TOLLIP: variants seen among roughly 807,000 people sequenced by gnomAD.
The protein encoded by TOLLIP is toll interacting protein, also known as toll-interacting protein.
Under a neutral mutation model 33.5 loss-of-function variants are expected in TOLLIP, and 16 were observed. That is an observed-to-expected ratio of 0.48 (90% CI 0.32 to 0.72). The LOEUF (loss-of-function observed/expected upper bound fraction) is 0.72. TOLLIP is among the 30% of genes least tolerant of loss of function. The probability of loss-of-function intolerance (pLI) is 0.03; values close to 1 mark genes in which losing one functional copy is unlikely to be tolerated. For synonymous variants in TOLLIP, 176 were observed against 163.7 expected (o/e 1.07, Z -0.57); for missense variants, 325 against 396.6 (o/e 0.82, Z 1.53).
Position 1,290,566 on chromosome 11 carries a change from C to T in TOLLIP, c.184-157G>A, listed in dbSNP as rs890732298. On this transcript the variant is annotated intron_variant, in intron 2 of 5. Transcript: ENST00000317204. This position sits in a 1 kb window ranked among gnomAD's most constrained non-coding sequence, Gnocchi z 4.9. The stretch of plus-strand genomic sequence containing the variant: ...GCCTGAACACGGCTGTGACCTGCTT[C>T]CCAGGAGGCCAGGAGCAAGAAGAGT... Among the ~76,000 whole-genome samples the T allele has an allele frequency of 6.6e-6, 1 of 152,184 alleles. No individual in the cohort carries two copies. The highest frequency in any genetic ancestry group is 1.5e-5 in the Non-Finnish European group (1 of 68,042).
chr11:1,289,021 T>C (rs1338650479), intron 3 of TOLLIP, among the ~76,000 whole-genome samples: 1 of 152,036 alleles, frequency 6.6e-6, no homozygotes, highest in African/African-American at 2.4e-5. Context: ...CAGGGCCAGG[T>C]CTGGGGCTGG....
intron 3 of TOLLIP, 84 bp from the exon 4 acceptor site, chr11:1,288,860 C>T (rs554094100): frequency 4.1e-5 from 60 of 1,467,130 alleles, no homozygotes; most frequent in Non-Finnish European, 5.4e-5. Flanking sequence ...GGGCCCGCCT[C>T]GAGTCCCCGT....
At chr11:1,292,679 C>T (rs5743944) in intron 2 of TOLLIP, among the ~76,000 whole-genome samples, 26,144 of 152,256 alleles carry the variant, frequency 0.17, 2,785 homozygotes, top group Non-Finnish European at 0.23. Flanking sequence ...TGGGGACACA[C>T]GGGCACCGCT....
At position 1,309,557 on chromosome 11, in the gene TOLLIP, TGC is replaced by T; in HGVS notation, c.-61_-60del. Reference sequence around the variant, plus strand: ...GACAGTGACGCGCCGGGCGACCTCCTGCGCCCCCGCCGGAGCCTGCGACGGAG... The same window carrying T: ...GACAGTGACGCGCCGGGCGACCTCCTGCCCCCGCCGGAGCCTGCGACGGAG... On this transcript the variant is annotated 5_prime_UTR_variant, in exon 1 of 6. Transcript: ENST00000317204. 4.6e-6 allele frequency: 5 copies of T among 1,091,542 alleles called. No individual in the cohort carries two copies. Among genetic ancestry groups the T allele is most frequent in the Non-Finnish European group, 5.9e-6 (5 of 848,800 alleles). The allele number at this position is 1,091,542 out of a possible 1,614,324, so 67.6% of individuals were successfully genotyped here. A position where few individuals can be genotyped will look rare whatever the true frequency, so the allele number is the denominator to read the frequency against.
At chr11:1,295,863 C>T in intron 1 of TOLLIP, 69 bp from the exon 2 acceptor site, 2 of 1,480,742 alleles carry the variant, frequency 1.4e-6, no homozygotes, top group African/African-American at 1.4e-5. Context: ...ACAGCAGCTG[C>T]CCCCGGCATT....
intron 5 of TOLLIP, among the ~76,000 whole-genome samples, chr11:1,279,521 T>C (rs1276733431): frequency 6.6e-6 from 1 of 152,168 alleles, no homozygotes; most frequent in African/African-American, 2.4e-5. Context: ...GAGGACGCCA[T>C]GGGAGCCCGG....
Position 1,303,561 on chromosome 11 carries a change from G to A in TOLLIP, c.33+5905C>T, listed in dbSNP as rs1228039899. Among the ~76,000 whole-genome samples, 2 of 152,248 alleles carry A rather than the reference G, an allele frequency of 1.3e-5. No individual in the cohort carries two copies. Among genetic ancestry groups the A allele is most frequent in the Non-Finnish European group, 2.9e-5 (2 of 68,046 alleles). On this transcript the variant is annotated intron_variant, in intron 1 of 5. Coordinates refer to ENST00000317204, the MANE Select transcript of TOLLIP (RefSeq NM_019009.4). This position sits in a 1 kb window ranked among gnomAD's most constrained non-coding sequence, Gnocchi z 4.2. ...GCGCTGTGCAAAGAAACAGGGCAAG[G>A]CCGGGTGGCAGGGGCACGCTGCACT...
chr11:1,286,421 A>G (rs1446711753), intron 4 of TOLLIP, among the ~76,000 whole-genome samples: 1 of 152,214 alleles, frequency 6.6e-6, no homozygotes. Context: ...ACCACACTGC[A>G]CTGCTGTGGT....
chr11:1,283,994 A>C (rs916447868), intron 5 of TOLLIP, among the ~76,000 whole-genome samples: 2 of 152,226 alleles, frequency 1.3e-5, no homozygotes, highest in African/African-American at 4.8e-5. Context: ...CACTAGCCCC[A>C]TGAACTGCAC....
At chr11:1,305,567 C>G (rs895073670) in intron 1 of TOLLIP, among the ~76,000 whole-genome samples, 1 of 152,220 alleles carries the variant, frequency 6.6e-6, no homozygotes, top group African/African-American at 2.4e-5. Context: ...GAAAGCTAAT[C>G]TTTACAAACA....
rs374900667 is a variant in TOLLIP at position 1,277,192 on chromosome 11, G to A, written c.672C>T (p.Asn224=). ...CCTCCTCGCTACAGCGGGGCTGGGC[G>A]TTCACGGCGGCCGGGGGCAGGGCCA... ...VPVALPPAAV[N]AQPRCSEEDL... is the part of the protein sequence containing the mutation. Residue 224 remains asparagine (N), a synonymous_variant, in exon 6 of 6, where the codon AAC becomes AAT. Coordinates refer to ENST00000317204, the MANE Select transcript of TOLLIP (RefSeq NM_019009.4). This position sits in a 1 kb window ranked among gnomAD's most constrained non-coding sequence, Gnocchi z 4.2. The A allele has an allele frequency of 2.3e-5, 37 of 1,601,814 alleles. No homozygotes were observed. Among genetic ancestry groups the A allele is most frequent in the Non-Finnish European group, 1.6e-5 (19 of 1,170,928 alleles).
chr11:1,288,498 T>A lies in TOLLIP; in HGVS notation c.519+126A>T. 4 of 1,216,872 alleles carry A rather than the reference T, an allele frequency of 3.3e-6. No individual in the cohort carries two copies. In the South Asian group the frequency reaches 6.5e-5, roughly 20 times the overall value. The allele number at this position is 1,216,872 out of a possible 1,614,324, so 75.4% of individuals were successfully genotyped here. ...GCCCCTGCCCTCTGTCCTCAGAACG[T>A]GAGCCCTGCTGTTTTATGGGCTCAG... is the stretch of plus-strand genomic sequence containing the variant. On this transcript the variant is annotated intron_variant, in intron 4 of 5. Coordinates refer to ENST00000317204, the MANE Select transcript of TOLLIP (RefSeq NM_019009.4).
rs1424939367 is a variant in TOLLIP at position 1,303,510 on chromosome 11, GT to G, written c.33+5955del. Among the ~76,000 whole-genome samples the G allele has an allele frequency of 6.6e-6, 1 of 152,256 alleles. No homozygotes were observed. The highest frequency in any genetic ancestry group is 1.5e-5 in the Non-Finnish European group (1 of 68,048). ...AGAAGACAAACGGGAAGCATCATGA[GT>G]TATGCTGTATGCTAACGGCAGGAGG... On this transcript the variant is annotated intron_variant, in intron 1 of 5. Coordinates refer to ENST00000317204, the MANE Select transcript of TOLLIP (RefSeq NM_019009.4). This position sits in a 1 kb window ranked among gnomAD's most constrained non-coding sequence, Gnocchi z 4.2.
At chr11:1,280,323 C>T (rs780483707) in intron 5 of TOLLIP, among the ~76,000 whole-genome samples, 24 of 152,326 alleles carry the variant, frequency 1.6e-4, no homozygotes, top group African/African-American at 5.8e-4. Context: ...GGTGCCACCG[C>T]GTGCACGTTC....
Position 1,309,545 on chromosome 11 carries a change from C to T in TOLLIP, c.-47G>A. 2 of 1,226,194 alleles carry T rather than the reference C, an allele frequency of 1.6e-6. No individual in the cohort carries two copies. Among genetic ancestry groups the T allele is most frequent in the South Asian group, 2.3e-5 (1 of 42,714 alleles). The allele number at this position is 1,226,194 out of a possible 1,614,324, so 76.0% of individuals were successfully genotyped here. A position where few individuals can be genotyped will look rare whatever the true frequency, so the allele number is the denominator to read the frequency against. ...GCTCGCCGACCCGACAGTGACGCGC[C>T]GGGCGACCTCCTGCGCCCCCGCCGG... On this transcript the variant is annotated 5_prime_UTR_variant, in exon 1 of 6. Transcript: ENST00000317204.
At chr11:1,298,836 C>T (rs1208337341) in intron 1 of TOLLIP, among the ~76,000 whole-genome samples, 3 of 152,190 alleles carry the variant, frequency 2.0e-5, no homozygotes, top group Non-Finnish European at 4.4e-5. Context: ...TTCCCAAAAA[C>T]CCACACCCCA....
intron 5 of TOLLIP, among the ~76,000 whole-genome samples, chr11:1,284,030 G>A (rs555805718): frequency 2.0e-3 from 309 of 152,318 alleles, no homozygotes; most frequent in African/African-American, 7.0e-3. Flanking sequence ...TTGACCCCAC[G>A]ACGGCGGCTC....
At chr11:1,281,391 C>T (rs896500574) in intron 5 of TOLLIP, among the ~76,000 whole-genome samples, 2 of 152,128 alleles carry the variant, frequency 1.3e-5, no homozygotes, top group African/African-American at 4.8e-5. Flanking sequence ...GGAAAGTGGA[C>T]GGTCCTCGTG....
At chr11:1,308,065 A>G (rs1020978647) in intron 1 of TOLLIP, among the ~76,000 whole-genome samples, 3 of 152,206 alleles carry the variant, frequency 2.0e-5, no homozygotes, top group African/African-American at 7.2e-5. Flanking sequence ...CACCCACGGC[A>G]TGTTCAGAGC....
Sources: gnomAD v4.1 joint callset for allele counts (sites outside exome capture counted in the v4.1 genomes callset) on GRCh38, gnomAD v4.1.1 for gene constraint, Gnocchi (gnomAD v3.1) non-coding constraint, MANE v1.5 for transcripts, NCBI Gene and HGNC (gene_info 2026-07-23, HGNC 2026-07-21) for gene names.